SPMIP4: variants seen among roughly 807,000 people sequenced by gnomAD.
The protein encoded by SPMIP4 is sperm microtubule inner protein 4.
At chr7:25,131,936 C>T in the SPMIP4 span, among the ~76,000 whole-genome samples, 2 of 152,160 alleles carry the variant, frequency 1.3e-5, no homozygotes, top group African/African-American at 2.4e-5. The surrounding 1 kb of genome is among the most constrained non-coding windows in gnomAD (Gnocchi z 4.2). Flanking sequence ...TGGAAGTCAG[C>T]GGCGGGTCTG....
chr7:25,131,031 A>G, the SPMIP4 span, among the ~76,000 whole-genome samples: 1 of 152,104 alleles, frequency 6.6e-6, no homozygotes, highest in South Asian at 2.1e-4. This position sits in a 1 kb window ranked among gnomAD's most constrained non-coding sequence, Gnocchi z 4.2. Context: ...GGGGTGAGCA[A>G]ATGAAGCTTC....
the SPMIP4 span, among the ~76,000 whole-genome samples, chr7:25,162,620 T>C: frequency 3.3e-5 from 5 of 152,246 alleles, no homozygotes; most frequent in East Asian, 7.7e-4. Context: ...GCAAAAACTA[T>C]ACATTTTGAT....
the SPMIP4 span, chr7:25,168,162 G>T: frequency 1.3e-6 from 1 of 761,716 alleles, no homozygotes; most frequent in Non-Finnish European, 2.1e-6. Context: ...TTTTCATTCT[G>T]TGTCTTTTCA....
chr7:25,168,907 G>A, the SPMIP4 span, among the ~76,000 whole-genome samples: 11 of 151,706 alleles, frequency 7.3e-5, no homozygotes, highest in African/African-American at 2.7e-4. Flanking sequence ...TGCATTTTTA[G>A]TAGAGACGGG....
the SPMIP4 span, among the ~76,000 whole-genome samples, chr7:25,141,212 T>G: frequency 6.6e-6 from 1 of 152,182 alleles, no homozygotes; most frequent in African/African-American, 2.4e-5. Flanking sequence ...CAGCCAGCTC[T>G]CAATTATTAT....
At chr7:25,131,218 T>C in the SPMIP4 span, among the ~76,000 whole-genome samples, 1 of 152,178 alleles carries the variant, frequency 6.6e-6, no homozygotes, top group Non-Finnish European at 1.5e-5. The surrounding 1 kb of genome is among the most constrained non-coding windows in gnomAD (Gnocchi z 4.2). Context: ...TCTGTCACTA[T>C]CTCCCATCAC....
At chr7:25,175,634 T>A in the SPMIP4 span, among the ~76,000 whole-genome samples, 2 of 152,180 alleles carry the variant, frequency 1.3e-5, no homozygotes, top group African/African-American at 2.4e-5. Flanking sequence ...TTTAGAAAAT[T>A]AAGCTGCTGA....
the SPMIP4 span, chr7:25,155,127 AAC>A: frequency 6.2e-7 from 1 of 1,613,110 alleles, no homozygotes. Context: ...GAAGGTGGGG[AAC>A]ATGGCGCCGC....
the SPMIP4 span, among the ~76,000 whole-genome samples, chr7:25,178,659 T>C: frequency 3.3e-5 from 5 of 152,242 alleles, no homozygotes; most frequent in East Asian, 1.9e-4. Flanking sequence ...GCTTTTATAG[T>C]AGACAGCCAC....
chr7:25,142,366 G>T, the SPMIP4 span: 1 of 1,457,028 alleles, frequency 6.9e-7, no homozygotes, highest in South Asian at 1.2e-5. Flanking sequence ...ATTTTGTTAG[G>T]GTAAACGAAG....
the SPMIP4 span, among the ~76,000 whole-genome samples, chr7:25,171,691 T>A: frequency 6.6e-6 from 1 of 152,334 alleles, no homozygotes; most frequent in African/African-American, 2.4e-5. Context: ...GGGAAGCCAC[T>A]TCTGCCCTTA....
At chr7:25,136,276 A>G in the SPMIP4 span, 1 of 1,614,032 alleles carries the variant, frequency 6.2e-7, no homozygotes, top group Non-Finnish European at 8.5e-7. This position sits in a 1 kb window ranked among gnomAD's most constrained non-coding sequence, Gnocchi z 5.7. Flanking sequence ...TTTATTTTGT[A>G]AAACACTAGG....
At chr7:25,167,401 C>T in the SPMIP4 span, among the ~76,000 whole-genome samples, 6 of 152,332 alleles carry the variant, frequency 3.9e-5, no homozygotes, top group African/African-American at 1.4e-4. Flanking sequence ...ATTACAGTTC[C>T]ATGAGAGCGT....
At chr7:25,142,888 G>A in the SPMIP4 span, 1 of 1,153,418 alleles carries the variant, frequency 8.7e-7, no homozygotes, top group Non-Finnish European at 1.2e-6. Flanking sequence ...GATCTCAGCA[G>A]GAAAGAGGCA....
At chr7:25,175,304 T>C in the SPMIP4 span, among the ~76,000 whole-genome samples, 1 of 152,106 alleles carries the variant, frequency 6.6e-6, no homozygotes, top group Admixed American at 6.6e-5. Flanking sequence ...TGTTGCCCAG[T>C]CTGGAGTGCT....
At chr7:25,136,647 AT>A in the SPMIP4 span, 1 of 1,614,154 alleles carries the variant, frequency 6.2e-7, no homozygotes, top group East Asian at 2.2e-5. This position sits in a 1 kb window ranked among gnomAD's most constrained non-coding sequence, Gnocchi z 5.7. Flanking sequence ...AGGTATGAAA[AT>A]TACACAAAAC....
chr7:25,157,426 T>C, the SPMIP4 span, among the ~76,000 whole-genome samples: 1 of 151,966 alleles, frequency 6.6e-6, no homozygotes, highest in South Asian at 2.1e-4. Context: ...AGAGTGTGTG[T>C]GCAGCGGGGA....
chr7:25,163,491 G>C, the SPMIP4 span, among the ~76,000 whole-genome samples: 2 of 152,194 alleles, frequency 1.3e-5, no homozygotes, highest in African/African-American at 4.8e-5. The surrounding 1 kb of genome is among the most constrained non-coding windows in gnomAD (Gnocchi z 4.4). Context: ...TAATTAGGTA[G>C]ATAAAACGAC....
the SPMIP4 span, among the ~76,000 whole-genome samples, chr7:25,167,049 A>G: frequency 6.6e-6 from 1 of 152,248 alleles, no homozygotes; most frequent in African/African-American, 2.4e-5. Context: ...TTCTTTTTAC[A>G]CACTGGAATT....
Sources: allele counts gnomAD v4.1 joint callset (sites outside exome capture counted in the v4.1 genomes callset), GRCh38; gene constraint gnomAD v4.1.1; non-coding constraint Gnocchi (gnomAD v3.1); transcripts MANE v1.5; gene names NCBI Gene and HGNC (gene_info 2026-07-23, HGNC 2026-07-21).